The following ZNF318 variants were observed in gnomAD, a reference collection of about 807,000 sequenced individuals.
ZNF318 encodes endocrine regulator.
ZNF318 carries 51 observed loss-of-function variants against 124.2 expected under a neutral mutation model. That is an observed-to-expected ratio of 0.41 (90% CI 0.33 to 0.52). The LOEUF is 0.52. Among genes scored for constraint, ZNF318 ranks in the 20% least tolerant of loss-of-function variants. The pLI, the probability that ZNF318 is intolerant of heterozygous loss-of-function variation, is 0.23. For missense variants in ZNF318, 2,815 were observed against 2,811.2 expected (o/e 1.00, Z -0.03); for synonymous variants, 1,090 against 1,040.7 (o/e 1.05, Z -0.91).
At chr6:43,365,619 C>T (rs1779750804) in intron 1 of ZNF318, among the ~76,000 whole-genome samples, 179 bp from the exon 2 acceptor site, 1 of 152,144 alleles carries the variant, frequency 6.6e-6, no homozygotes, top group South Asian at 2.1e-4. Context: ...CTGGGCAACA[C>T]AGACTCCATC....
Position 43,340,271 on chromosome 6 carries a change from A to G in ZNF318, c.3727T>C (p.Ser1243Pro). ...CTTTTATTTTCAGCTTTTTCAGGGG[A>G]GTTCCTACCCTCAGAGAGTTGGTCT... is the stretch of plus-strand genomic sequence containing the variant. Reference protein sequence around the residue: ...LEDQLSEGRNSPEKAENKRNT... With the variant: ...LEDQLSEGRNPPEKAENKRNT... The change falls in exon 10 of 10, where the codon TCC becomes CCC. Residue 1243 changes from serine to proline, a missense_variant. Ser to Pro is a moderately conservative substitution (Grantham distance 74). This residue lies in a region of ZNF318 where 500 missense variants were observed against 605.2 expected (regional missense o/e 0.83). Transcript: ENST00000361428. 6.2e-7 allele frequency: 1 copy of G among 1,613,800 alleles called. No homozygotes were observed. The highest frequency in any genetic ancestry group is 8.5e-7 in the Non-Finnish European group (1 of 1,179,956).
chr6:43,363,131 A>C (rs1779706612), intron 2 of ZNF318, among the ~76,000 whole-genome samples: 1 of 152,180 alleles, frequency 6.6e-6, no homozygotes, highest in Non-Finnish European at 1.5e-5. Flanking sequence ...GTAATTTAAA[A>C]ATATAATTAG....
chr6:43,348,475 T>G lies in ZNF318; in HGVS notation c.2921A>C (p.Asp974Ala). 1.2e-6 allele frequency: 2 copies of G among 1,614,184 alleles called. No individual in the cohort carries two copies. The highest frequency in any genetic ancestry group is 1.7e-6 in the Non-Finnish European group (2 of 1,180,030). The part of the protein sequence containing the change: ...EEAEKKQSEL[D>A]KVAQILGINI... ...AATTCCCAAGATCTGAGCCACTTTGTCCAGTTCAGATTGCTTCTTTTCTGC... is the reference window on the plus strand; with the variant it reads ...AATTCCCAAGATCTGAGCCACTTTGGCCAGTTCAGATTGCTTCTTTTCTGC... Residue 974 changes from aspartate (D) to alanine (A), a missense_variant, in exon 6 of 10, where the codon GAC (aspartate) becomes GCC (alanine). Transcript: ENST00000361428.
chr6:43,348,250 A>G (rs1485306993), intron 6 of ZNF318, 74 bp downstream of exon 6: 1 of 1,421,036 alleles, frequency 7.0e-7, no homozygotes, highest in African/African-American at 1.4e-5. Context: ...AACCTAAGTT[A>G]AGAAAATGGT....
chr6:43,369,059 G>C lies in ZNF318; in HGVS notation c.307C>G (p.Pro103Ala). 7.4e-7 allele frequency: 1 copy of C among 1,349,012 alleles called. No homozygotes were observed. The highest frequency in any genetic ancestry group is 9.5e-7 in the Non-Finnish European group (1 of 1,047,290). The allele number at this position is 1,349,012 out of a possible 1,614,324, so 83.6% of individuals were successfully genotyped here. ...CGGCTGCTGCCTCTGAAGCCGGCCG[G>C]GCCCGGCGGGAAGAGTCGTCGGCCC... is the stretch of plus-strand genomic sequence containing the variant. ...PRGRRLFPPG[P>A]AGFRGSSRGE... The change falls in exon 1 of 10, where the codon CCG becomes GCG. Residue 103 changes from proline (P) to alanine (A), a missense_variant. Pro to Ala is a conservative substitution (Grantham distance 27). Around this residue, in one of 4 missense-constraint regions of ZNF318, gnomAD observed 1,377 missense variants for 1,353.5 expected, o/e 1.02. Transcript: ENST00000361428.
Position 43,340,093 on chromosome 6 carries a change from T to C in ZNF318, c.3905A>G (p.Glu1302Gly), listed in dbSNP as rs749509981. 6.2e-7 allele frequency: 1 copy of C among 1,614,224 alleles called. No individual in the cohort carries two copies. Among genetic ancestry groups the C allele is most frequent in the Non-Finnish European group, 8.5e-7 (1 of 1,180,026 alleles). ...GCCATCCTCTTTGTCCTTACTACTT[T>C]CTAGAATCTCTTCTTTAGAGATACT... ...TPSISKEEIL[E>G]SSKDKEDGKT... The change falls in exon 10 of 10, where the codon GAA becomes GGA. Residue 1302 changes from glutamate (E) to glycine (G), a missense_variant. Around this residue, in one of 4 missense-constraint regions of ZNF318, gnomAD observed 500 missense variants for 605.2 expected, o/e 0.83. Coordinates refer to ENST00000361428, the MANE Select transcript of ZNF318 (RefSeq NM_014345.3).
chr6:43,358,899 T>G (rs1482054137), intron 2 of ZNF318, among the ~76,000 whole-genome samples: 1 of 152,100 alleles, frequency 6.6e-6, no homozygotes, highest in Non-Finnish European at 1.5e-5. Flanking sequence ...TTGTAAAGAG[T>G]GCTCAGGAGC....
intron 1 of ZNF318, among the ~76,000 whole-genome samples, chr6:43,368,470 C>A (rs879938787): frequency 2.0e-5 from 3 of 152,218 alleles, no homozygotes; most frequent in Non-Finnish European, 2.9e-5. Flanking sequence ...GAAGCAGCAG[C>A]TCCAATTCAT....
chr6:43,356,910 T>A (rs1048381529), intron 3 of ZNF318, among the ~76,000 whole-genome samples: 2 of 152,122 alleles, frequency 1.3e-5, no homozygotes, highest in Non-Finnish European at 2.9e-5. Context: ...AATATCTATT[T>A]ATTAATATAA....
chr6:43,364,263 G>C (rs540525785), intron 2 of ZNF318: 15 of 547,340 alleles, frequency 2.7e-5, no homozygotes, highest in Admixed American at 2.4e-4. Context: ...TCTGTGCAGA[G>C]GACGTAGGCT....
chr6:43,338,845 T>C lies in ZNF318; in HGVS notation c.5153A>G (p.Glu1718Gly), dbSNP rs1175387735. The C allele has an allele frequency of 1.9e-6, 3 of 1,614,182 alleles. No homozygotes were observed. The highest frequency in any genetic ancestry group is 2.5e-6 in the Non-Finnish European group (3 of 1,180,042). The change falls in exon 10 of 10, where the codon GAG (glutamate) becomes GGG (glycine). Residue 1718 changes from glutamate to glycine, a missense_variant. Physicochemically the swap from Glu to Gly is moderately conservative, Grantham distance 98. Coordinates refer to ENST00000361428, the MANE Select transcript of ZNF318 (RefSeq NM_014345.3). ...TGGTCCTGGCTCTCCCAGGTCAAGC[T>C]CACTCTTCTCTGGAGATATATCCCT... is the stretch of plus-strand genomic sequence containing the variant. Reference protein sequence around the residue: ...TSRDISPEKSELDLGEPGPPG... With the variant: ...TSRDISPEKSGLDLGEPGPPG...
intron 2 of ZNF318, among the ~76,000 whole-genome samples, chr6:43,359,764 C>T (rs1185690503): frequency 6.6e-6 from 1 of 152,160 alleles, no homozygotes; most frequent in African/African-American, 2.4e-5. Context: ...TTATCAAGGA[C>T]AAACTTTATT....
At chr6:43,343,179 G>A (rs181503390) in intron 6 of ZNF318, among the ~76,000 whole-genome samples, 1 of 152,272 alleles carries the variant, frequency 6.6e-6, no homozygotes, top group African/African-American at 2.4e-5. Flanking sequence ...CTGCCTCTGG[G>A]GAAGGGAAGT....
chr6:43,342,261 G>A (rs779534241), intron 7 of ZNF318, 50 bp from the exon 8 acceptor site: 20 of 1,442,686 alleles, frequency 1.4e-5, no homozygotes, highest in Non-Finnish European at 1.9e-5. Flanking sequence ...AAAGCTCAAT[G>A]ACCCACTTTT....
intron 2 of ZNF318, among the ~76,000 whole-genome samples, chr6:43,360,352 G>A (rs771099795): frequency 5.9e-5 from 9 of 152,120 alleles, no homozygotes; most frequent in Non-Finnish European, 1.2e-4. Context: ...CCTTCCCCAG[G>A]ACTCCAAAAG....
intron 5 of ZNF318, among the ~76,000 whole-genome samples, chr6:43,348,936 A>C (rs1027423103): frequency 6.6e-6 from 1 of 152,196 alleles, no homozygotes; most frequent in African/African-American, 2.4e-5. Context: ...CGGGAGGCTG[A>C]GGCAGGAGAA....
Position 43,355,504 on chromosome 6 carries a change from T to C in ZNF318, c.1830A>G (p.Gln610=), listed in dbSNP as rs200448369. ...GTCGTTCCTGGGTGCGTGCAGCCAA[T>C]TGACTAATCTCTGCTACTCCAATAT... ...GLDIGVAEIS[Q]LAARTQERLH... Residue 610 remains glutamine, a synonymous_variant, in exon 4 of 10, where the codon CAA becomes CAG. Transcript: ENST00000361428. 5.3e-5 allele frequency: 85 copies of C among 1,614,084 alleles called. No homozygotes were observed. Among genetic ancestry groups the C allele is most frequent in the East Asian group, 4.0e-4 (18 of 44,894 alleles).
intron 3 of ZNF318, 127 bp downstream of exon 3, chr6:43,356,999 T>C (rs1269806841): frequency 9.7e-6 from 11 of 1,130,330 alleles, no homozygotes; most frequent in Middle Eastern, 3.1e-4. Context: ...CTAGAAGGTG[T>C]AGCTCACAAT....
Position 43,356,098 on chromosome 6 carries a change from G to C in ZNF318, c.1236C>G (p.Leu412=), listed in dbSNP as rs1455843087. The change falls in exon 4 of 10, where the codon CTC becomes CTG. Residue 412 remains leucine (L), a synonymous_variant. Coordinates refer to ENST00000361428, the MANE Select transcript of ZNF318 (RefSeq NM_014345.3). The part of the protein sequence containing the change: ...SSTSSSQDHP[L]YSGHPSLPLS... ...GTGGAAGGGATGGGTGCCCAGAGTA[G>C]AGAGGGTGATCCTGGCTGGAGCTGG... The C allele has an allele frequency of 3.1e-6, 5 of 1,613,978 alleles. No individual in the cohort carries two copies. Among genetic ancestry groups the C allele is most frequent in the Non-Finnish European group, 4.2e-6 (5 of 1,179,972 alleles).
Sources: allele counts gnomAD v4.1 joint callset (sites outside exome capture counted in the v4.1 genomes callset), GRCh38; gene constraint gnomAD v4.1.1; regional missense constraint gnomAD v4.1.1; transcripts MANE v1.5; gene names NCBI Gene and HGNC (gene_info 2026-07-23, HGNC 2026-07-21).